ADAM28: variants seen among roughly 807,000 people sequenced by gnomAD.
ADAM28 encodes ADAM metallopeptidase domain 28.
In ADAM28, 105 loss-of-function variants were observed where a neutral mutation model predicts 101.2. The ratio of observed to expected loss-of-function variants is 1.04; its 90% CI spans 0.89 to 1.22. The LOEUF (loss-of-function observed/expected upper bound fraction) is 1.22. Among genes scored for constraint, ADAM28 ranks in the 50% most tolerant of loss-of-function variants. ADAM28 has a pLI of 0.00. For synonymous variants in ADAM28, 322 were observed against 310.6 expected (o/e 1.04, Z -0.39); for missense variants, 1,028 against 945.4 (o/e 1.09, Z -1.15).
At chr8:24,294,239 G>A (rs762079959) in intron 1 of ADAM28, 44 bp downstream of exon 1, 17 of 1,596,924 alleles carry the variant, frequency 1.1e-5, no homozygotes, top group Middle Eastern at 1.7e-4. Flanking sequence ...ATGCATTAGC[G>A]AACTTTTCAT....
intron 6 of ADAM28, 34 bp downstream of exon 6, chr8:24,313,614 A>T: frequency 1.3e-6 from 2 of 1,598,240 alleles, no homozygotes; most frequent in Non-Finnish European, 1.7e-6. Context: ...AAATGCTCTC[A>T]TGTATTCTGC....
At chr8:24,353,319 G>T (rs566817029) in intron 21 of ADAM28, among the ~76,000 whole-genome samples, 2 of 152,208 alleles carry the variant, frequency 1.3e-5, no homozygotes, top group South Asian at 4.1e-4. Context: ...TAAGAGTCAG[G>T]TGCTCATGAA....
At chr8:24,308,722 G>A in intron 2 of ADAM28, 1 of 456,118 alleles carries the variant, frequency 2.2e-6, no homozygotes, top group South Asian at 1.5e-5. Context: ...TATAGCCTGG[G>A]ATTACTGACA....
intron 21 of ADAM28, among the ~76,000 whole-genome samples, chr8:24,352,570 C>T (rs1266081659): frequency 1.3e-5 from 2 of 152,094 alleles, no homozygotes; most frequent in East Asian, 3.8e-4. Flanking sequence ...CCAAAAGGCC[C>T]CACCTCCAAA....
chr8:24,351,561 CTCTT>C (rs879602049), intron 20 of ADAM28: 11 of 551,074 alleles, frequency 2.0e-5, no homozygotes, highest in South Asian at 7.8e-5. Flanking sequence ...GTCTGTCTCT[CTCTT>C]TGTCTCTGCT....
chr8:24,331,430 G>C (rs527742088), intron 12 of ADAM28, 103 bp downstream of exon 12: 25 of 1,127,140 alleles, frequency 2.2e-5, no homozygotes, highest in Non-Finnish European at 2.9e-5. Context: ...TAGGTTTTTT[G>C]GGTAATTTTG....
At chr8:24,294,559 G>C (rs1285739771) in intron 1 of ADAM28, among the ~76,000 whole-genome samples, 57 of 152,130 alleles carry the variant, frequency 3.7e-4, no homozygotes, top group Non-Finnish European at 1.5e-5. Context: ...AGATGTGGCA[G>C]ATTTATTTAT....
At chr8:24,348,585 T>C (rs1040320398) in intron 18 of ADAM28, among the ~76,000 whole-genome samples, 1 of 152,232 alleles carries the variant, frequency 6.6e-6, no homozygotes, top group East Asian at 1.9e-4. Flanking sequence ...AGTACTTTTA[T>C]ACTTTTAGGA....
intron 10 of ADAM28, among the ~76,000 whole-genome samples, chr8:24,329,761 T>G (rs1813088059): frequency 6.6e-6 from 1 of 152,038 alleles, no homozygotes. Flanking sequence ...TTTCCTTCAT[T>G]ATAGGAACCT....
chr8:24,306,704 TTC>T (rs1487866896), intron 2 of ADAM28, among the ~76,000 whole-genome samples: 1 of 152,156 alleles, frequency 6.6e-6, no homozygotes, highest in Non-Finnish European at 1.5e-5. Context: ...CAAAAAAATA[TTC>T]TCTGTTTATC....
At chr8:24,334,236 A>T (rs1321629013) in intron 13 of ADAM28, among the ~76,000 whole-genome samples, 2 of 152,228 alleles carry the variant, frequency 1.3e-5, no homozygotes, top group Non-Finnish European at 2.9e-5. Flanking sequence ...ATGATATATT[A>T]AGCTTTTTAC....
chr8:24,303,297 C>T (rs1809084612), intron 2 of ADAM28, among the ~76,000 whole-genome samples: 1 of 152,116 alleles, frequency 6.6e-6, no homozygotes, highest in African/African-American at 2.4e-5. Flanking sequence ...AGTTTTTAAT[C>T]TATCTTGAGT....
rs1346068108 is a variant in ADAM28, at chr8:24,332,702, A to C, written c.1324A>C (p.Lys442Gln). The C allele has an allele frequency of 6.6e-7, 1 of 1,526,706 alleles. No individual in the cohort carries two copies. The highest frequency in any genetic ancestry group is 1.4e-5 in the African/African-American group (1 of 73,246). The allele number at this position is 1,526,706 out of a possible 1,614,324, so 94.6% of individuals were successfully genotyped here. A position where few individuals can be genotyped will look rare whatever the true frequency, so the allele number is the denominator to read the frequency against. The change falls in exon 13 of 23, where the codon AAA becomes CAA. Residue 442 changes from lysine (K) to glutamine (Q), a missense_variant. Coordinates refer to ENST00000265769, the MANE Select transcript of ADAM28 (RefSeq NM_014265.6). ...ICCDAKTCKI[K>Q]ATFQCALGEC... ...CTGTGATGCTAAGACATGTAAAATC[A>C]AAGCAACTTTTCAATGTGCATTAGG...
chr8:24,301,795 A>C (rs1271422118), intron 2 of ADAM28, among the ~76,000 whole-genome samples: 1 of 152,198 alleles, frequency 6.6e-6, no homozygotes, highest in East Asian at 1.9e-4. Context: ...CTTTCTGGCC[A>C]TTAAGGTAGC....
intron 2 of ADAM28, among the ~76,000 whole-genome samples, chr8:24,302,925 C>A (rs1393471756): frequency 1.3e-4 from 15 of 119,694 alleles, no homozygotes; most frequent in African/African-American, 4.3e-4. Context: ...CCCCCTCCCC[C>A]CTCCCCACAA....
At chr8:24,310,126 A>G (rs1394090541) in intron 3 of ADAM28, 37 bp from the exon 4 acceptor site, 6 of 1,601,420 alleles carry the variant, frequency 3.7e-6, no homozygotes, top group Admixed American at 1.7e-5. Flanking sequence ...AGCAATCAGC[A>G]CAAGTAACCA....
intron 7 of ADAM28, among the ~76,000 whole-genome samples, chr8:24,320,988 A>C (rs2129287185): frequency 6.6e-6 from 1 of 152,044 alleles, no homozygotes; most frequent in South Asian, 2.1e-4. Context: ...AATTCTTTAG[A>C]GCTTTATACT....
intron 2 of ADAM28, among the ~76,000 whole-genome samples, chr8:24,305,478 A>T (rs10089131): frequency 0.2 from 17,988 of 91,774 alleles, 2,128 homozygotes; most frequent in African/African-American, 0.34. Flanking sequence ...TTTTTTTTTT[A>T]AAATATGTCT....
At chr8:24,323,127 T>G (rs1425596691) in intron 8 of ADAM28, among the ~76,000 whole-genome samples, 1 of 151,860 alleles carries the variant, frequency 6.6e-6, no homozygotes, top group Admixed American at 6.6e-5. Flanking sequence ...CTGGTGAAGA[T>G]TGTCTTCCTG....
Sources: allele counts gnomAD v4.1 joint callset (sites outside exome capture counted in the v4.1 genomes callset), GRCh38; gene constraint gnomAD v4.1.1; transcripts MANE v1.5; gene names NCBI Gene and HGNC (gene_info 2026-07-23, HGNC 2026-07-21).